INTS4: variants seen among roughly 807,000 people sequenced by gnomAD.
The protein encoded by INTS4 is MSTP093.
In INTS4, 70 loss-of-function variants were observed where a neutral mutation model predicts 119.5. That is an observed-to-expected ratio of 0.59 (90% CI 0.48 to 0.71). INTS4 has a LOEUF of 0.71. INTS4 is among the 30% of genes least tolerant of loss of function. INTS4 has a pLI of 0.00. For synonymous variants in INTS4, 316 were observed against 419.6 expected (o/e 0.75, Z 3.02); for missense variants, 867 against 1,173.2 (o/e 0.74, Z 3.81).
chr11:77,981,727 G>A (rs1856229539), intron 2 of INTS4, 151 bp from the exon 3 acceptor site: 1 of 361,470 alleles, frequency 2.8e-6, no homozygotes, highest in African/African-American at 2.2e-5. Flanking sequence ...TACTTCTGGA[G>A]AGACAGCTTT....
chr11:77,961,221 C>T (rs931458209), intron 4 of INTS4, 83 bp from the exon 5 acceptor site: 2 of 1,420,282 alleles, frequency 1.4e-6, no homozygotes, highest in Non-Finnish European at 1.8e-6. Flanking sequence ...CAGACAAGAC[C>T]AGAAACAAAA....
intron 21 of INTS4, among the ~76,000 whole-genome samples, chr11:77,887,574 C>A (rs1952069853): frequency 6.6e-6 from 1 of 151,960 alleles, no homozygotes; most frequent in Admixed American, 6.6e-5. Context: ...CTGGCCAGGG[C>A]AATTAGGTAG....
At chr11:77,952,805 A>T (rs187678181) in intron 8 of INTS4, among the ~76,000 whole-genome samples, 2 of 152,176 alleles carry the variant, frequency 1.3e-5, no homozygotes, top group Non-Finnish European at 2.9e-5. Flanking sequence ...ATTTTGAATG[A>T]TTCTTACTTT....
intron 2 of INTS4, among the ~76,000 whole-genome samples, chr11:77,985,518 C>T (rs1296108603): frequency 6.6e-6 from 1 of 152,162 alleles, no homozygotes; most frequent in Non-Finnish European, 1.5e-5. Flanking sequence ...ATTTCTGGAT[C>T]CCTGCTTCCA....
At chr11:77,973,730 G>A (rs1021816142) in intron 4 of INTS4, among the ~76,000 whole-genome samples, 12 of 151,932 alleles carry the variant, frequency 7.9e-5, no homozygotes, top group African/African-American at 2.4e-4. Flanking sequence ...TTTTATCCTC[G>A]ATAGTGTATT....
At chr11:77,987,346 G>C (rs994105109) in intron 2 of INTS4, 2 of 186,256 alleles carry the variant, frequency 1.1e-5, no homozygotes, top group Non-Finnish European at 1.1e-5. Flanking sequence ...TCCATATCTG[G>C]AATTTAGAGA....
intron 11 of INTS4, among the ~76,000 whole-genome samples, chr11:77,926,701 G>C (rs1336978486): frequency 2.6e-5 from 4 of 151,350 alleles, no homozygotes; most frequent in Non-Finnish European, 5.9e-5. Flanking sequence ...AATCCCAGCT[G>C]CTCGGGAGAC....
rs1243118243 is a variant in INTS4, at chr11:77,991,090, T to C, written c.246+18A>G. ...ACTCCCATGATATACTCCCATCAGA[T>C]CCTCAAGATTTTCTTACCTTGTAAT... On this transcript the variant is annotated intron_variant, in intron 2 of 22. Coordinates refer to ENST00000534064, the MANE Select transcript of INTS4 (RefSeq NM_033547.4). The C allele has an allele frequency of 2.5e-6, 4 of 1,605,440 alleles. No homozygotes were observed. The highest frequency in any genetic ancestry group is 8.5e-7 in the Non-Finnish European group (1 of 1,172,348).
chr11:77,950,518 G>GT (rs1214250369), intron 8 of INTS4, among the ~76,000 whole-genome samples: 1 of 152,014 alleles, frequency 6.6e-6, no homozygotes, highest in African/African-American at 2.4e-5. Context: ...GCACATAAAG[G>GT]TGACTATGAT....
chr11:77,878,158 C>A (rs192473715), downstream of INTS4, among the ~76,000 whole-genome samples: 81 of 152,144 alleles, frequency 5.3e-4, no homozygotes, highest in Non-Finnish European at 1.1e-3. Flanking sequence ...GTCAGGAGAT[C>A]AAGACCATCC....
At chr11:77,919,048 A>C in intron 14 of INTS4, 70 bp from the exon 15 acceptor site, 2 of 1,508,186 alleles carry the variant, frequency 1.3e-6, no homozygotes, top group Non-Finnish European at 1.8e-6. Context: ...ACACAAACAC[A>C]TAAAAGCACA....
At chr11:77,930,800 T>C (rs756752921) in intron 10 of INTS4, among the ~76,000 whole-genome samples, 4 of 141,430 alleles carry the variant, frequency 2.8e-5, no homozygotes, top group Non-Finnish European at 6.1e-5. Flanking sequence ...GGCAACACAG[T>C]GAGACCCCAT....
chr11:77,958,632 T>C, intron 7 of INTS4, 114 bp downstream of exon 7: 6 of 679,198 alleles, frequency 8.8e-6, no homozygotes, highest in South Asian at 1.7e-5. Context: ...TTATTCCCCA[T>C]TGCCTTCCAA....
At position 77,960,941 on chromosome 11, in the gene INTS4, A is replaced by G. The variant is rs749356752; in HGVS notation, c.657+12T>C. On this transcript the variant is annotated intron_variant, in intron 5 of 22. Coordinates refer to ENST00000534064, the MANE Select transcript of INTS4 (RefSeq NM_033547.4). ...AACACTAGCCCCAACTAGTTTCCAT[A>G]ATCACATTTACCATGGCTTTTATAG... 6.3e-7 allele frequency: 1 copy of G among 1,586,528 alleles called. No homozygotes were observed. Among genetic ancestry groups the G allele is most frequent in the Non-Finnish European group, 8.6e-7 (1 of 1,167,380 alleles).
At chr11:77,918,046 T>C (rs1953244402) in intron 15 of INTS4, 1 of 697,034 alleles carries the variant, frequency 1.4e-6, no homozygotes, top group African/African-American at 1.8e-5. Context: ...TCTTCCTGTT[T>C]CCTTTTCCCC....
At chr11:77,968,932 T>C (rs1207398067) in intron 4 of INTS4, among the ~76,000 whole-genome samples, 1 of 152,058 alleles carries the variant, frequency 6.6e-6, no homozygotes, top group Non-Finnish European at 1.5e-5. Flanking sequence ...TTCAGTGAAG[T>C]ATAATTTTTT....
At chr11:77,968,796 A>G (rs1165627512) in intron 4 of INTS4, among the ~76,000 whole-genome samples, 6 of 152,212 alleles carry the variant, frequency 3.9e-5, no homozygotes, top group East Asian at 1.9e-4. Flanking sequence ...TCCTTGGTAT[A>G]TATCCAAGAG....
chr11:77,965,852 T>C (rs1855482266), intron 4 of INTS4, among the ~76,000 whole-genome samples: 1 of 152,238 alleles, frequency 6.6e-6, no homozygotes, highest in African/African-American at 2.4e-5. Flanking sequence ...GGAAGTGGGA[T>C]GACTAGATCA....
rs557448123 is a variant in INTS4, at chr11:77,967,384, TA to T, written c.472-6247del. The stretch of plus-strand genomic sequence containing the variant: ...TTTAAGCCAGTTAAAGAGCCTTCAC[TA>T]GGAACTGAATTTGCCAGCACCTTAA... On this transcript the variant is annotated intron_variant, in intron 4 of 22. Coordinates refer to ENST00000534064, the MANE Select transcript of INTS4 (RefSeq NM_033547.4). Among the ~76,000 whole-genome samples the T allele has an allele frequency of 4.3e-3, 651 of 152,266 alleles. 5 individuals are homozygous for T. The highest frequency in any genetic ancestry group is 9.7e-3 in the Admixed American group (148 of 15,296).
Sources: gnomAD v4.1 joint callset for allele counts (sites outside exome capture counted in the v4.1 genomes callset) on GRCh38, gnomAD v4.1.1 for gene constraint, MANE v1.5 for transcripts, NCBI Gene and HGNC (gene_info 2026-07-23, HGNC 2026-07-21) for gene names.